Variants in TTC6 observed in about 807,000 individuals in gnomAD.
TTC6 encodes tetratricopeptide repeat domain 6.
Under a neutral mutation model 210.4 loss-of-function variants are expected in TTC6, and 172 were observed. That is an observed-to-expected ratio of 0.82 (90% CI 0.72 to 0.93). TTC6 has a LOEUF of 0.93. Ranked by LOEUF, TTC6 falls within the 40% of genes least tolerant of loss-of-function variation. TTC6 has a pLI of 0.00. For missense variants in TTC6, 2,414 were observed against 2,318.1 expected (o/e 1.04, Z -0.85); for synonymous variants, 804 against 819.6 (o/e 0.98, Z 0.32).
intron 3 of TTC6, among the ~76,000 whole-genome samples, chr14:37,692,670 C>A (rs757410065): frequency 4.6e-5 from 7 of 151,664 alleles, no homozygotes; most frequent in Non-Finnish European, 7.4e-5. Flanking sequence ...ACAAGCCTGG[C>A]CAACACAGAG....
chr14:37,755,017 C>T (rs981610377), intron 14 of TTC6, among the ~76,000 whole-genome samples: 2 of 152,188 alleles, frequency 1.3e-5, no homozygotes, highest in East Asian at 1.9e-4. Context: ...AATTTACACT[C>T]CCACCAACAG....
intron 1 of TTC6, among the ~76,000 whole-genome samples, chr14:37,674,944 G>A (rs2095765792): frequency 1.3e-5 from 2 of 151,964 alleles, no homozygotes; most frequent in African/African-American, 4.8e-5. Flanking sequence ...GGGCAATGTA[G>A]TAACTATCAT....
intron 13 of TTC6, among the ~76,000 whole-genome samples, chr14:37,751,948 C>T (rs1032461818): frequency 2.6e-5 from 4 of 151,628 alleles, no homozygotes; most frequent in Non-Finnish European, 4.4e-5. Flanking sequence ...CTCAGCCTCC[C>T]AAGCAGCTGG....
intron 1 of TTC6, among the ~76,000 whole-genome samples, chr14:37,662,102 A>T (rs993152035): frequency 1.3e-5 from 2 of 152,120 alleles, no homozygotes. Flanking sequence ...CTGCAAACAA[A>T]GACAATTTGA....
chr14:37,834,735 C>A (rs550868848), intron 29 of TTC6, among the ~76,000 whole-genome samples: 1 of 152,200 alleles, frequency 6.6e-6, no homozygotes, highest in African/African-American at 2.4e-5. Context: ...AGGTGTATTT[C>A]TTTGCTTTTT....
At chr14:37,626,454 T>A (rs2095660431) in intron 1 of TTC6, among the ~76,000 whole-genome samples, 1 of 152,208 alleles carries the variant, frequency 6.6e-6, no homozygotes, top group East Asian at 1.9e-4. Flanking sequence ...TACAAAAATG[T>A]TATGTTATAA....
At position 37,699,719 on chromosome 14, in the gene TTC6, G is replaced by C. The variant is rs75615655; in HGVS notation, c.1377-1613G>C. ...GGAACACACCTGAGCAACCCTGTGC[G>C]GGGGAGAAACTCAGTTTTGCATTGG... On this transcript the variant is annotated intron_variant, in intron 4 of 30. Coordinates refer to ENST00000553443, the Ensembl canonical transcript of TTC6. 4.9e-4 allele frequency among the ~76,000 whole-genome samples: 74 copies of C among 152,232 alleles called. No homozygotes were observed. The East Asian group carries it at 0.013, about 27-fold the overall frequency.
At chr14:37,622,402 G>C (rs866945378) in exon 1 of TTC6, 1 of 1,534,162 alleles carries the variant, frequency 6.5e-7, no homozygotes, top group East Asian at 2.5e-5. Flanking sequence ...GGCAAGACCC[G>C]GTCGTTTCGC....
rs193070169 is a variant in TTC6, at chr14:37,804,531, C to A, written c.4030-149C>A. On this transcript the variant is annotated intron_variant, in intron 20 of 30. Coordinates refer to ENST00000553443, the Ensembl canonical transcript of TTC6. ...CTCTTCTTGTAGTGTACTGACAAGA[C>A]CTGTAACTTCACCAGGTCTGTTTGT... is the stretch of plus-strand genomic sequence containing the variant. The A allele has an allele frequency of 2.6e-3, 2,776 of 1,053,096 alleles. 4 individuals are homozygous for A. Among genetic ancestry groups the A allele is most frequent in the Non-Finnish European group, 3.4e-3 (2,492 of 730,938 alleles). 65.2% of individuals were successfully genotyped at this position (1,053,096 alleles called of 1,614,324 possible). A position where few individuals can be genotyped will look rare whatever the true frequency, so the allele number is the denominator to read the frequency against.
chr14:37,790,162 A>G (rs939402041), intron 15 of TTC6, among the ~76,000 whole-genome samples: 2 of 152,124 alleles, frequency 1.3e-5, no homozygotes, highest in Admixed American at 6.6e-5. Flanking sequence ...TGCATAGTCA[A>G]GCCGTCCGCC....
intron 24 of TTC6, among the ~76,000 whole-genome samples, chr14:37,811,121 C>T (rs1221282490): frequency 4.6e-5 from 7 of 152,176 alleles, no homozygotes; most frequent in East Asian, 1.9e-4. Context: ...CATCCCTACC[C>T]CTTACCCTCG....
In TTC6 at chr14:37,749,847, G is replaced by C; in HGVS notation, c.2956+4G>C. The stretch of plus-strand genomic sequence containing the variant: ...AAATATAATAAAAATAATACAGGTG[G>C]GTTGTCTGTAGAGACAGTTATATTA... On this transcript the variant is annotated splice_donor_region_variant and intron_variant, in intron 12 of 30. Transcript: ENST00000553443. 1 of 1,366,572 alleles carries C rather than the reference G, an allele frequency of 7.3e-7. No homozygotes were observed. Among genetic ancestry groups the C allele is most frequent in the South Asian group, 1.9e-5 (1 of 53,086 alleles). The allele number at this position is 1,366,572 out of a possible 1,614,324, so 84.7% of individuals were successfully genotyped here.
chr14:37,721,847 C>CATATATATATATATATATATAT (rs35265224), intron 6 of TTC6, among the ~76,000 whole-genome samples: 64 of 117,254 alleles, frequency 5.5e-4, no homozygotes, highest in Non-Finnish European at 9.9e-4. Flanking sequence ...TGAGTTTCAC[C>CATATATATATATATATATATAT]ATATATATAT....
At chr14:37,819,531 C>T (rs2096150633) in intron 26 of TTC6, among the ~76,000 whole-genome samples, 2 of 152,072 alleles carry the variant, frequency 1.3e-5, no homozygotes, top group Non-Finnish European at 2.9e-5. Flanking sequence ...CTTGAATATC[C>T]TACTTGTTGC....
intron 3 of TTC6, among the ~76,000 whole-genome samples, chr14:37,685,011 C>G (rs1289351505): frequency 1.3e-5 from 2 of 152,158 alleles, no homozygotes; most frequent in East Asian, 3.9e-4. Flanking sequence ...GCCATTTCTA[C>G]TCTTAGAAGC....
chr14:37,678,221 A>G (rs1161019587), intron 1 of TTC6, among the ~76,000 whole-genome samples: 1 of 152,190 alleles, frequency 6.6e-6, no homozygotes. Flanking sequence ...GTTAATGTCC[A>G]CAGAAACCTT....
intron 1 of TTC6, among the ~76,000 whole-genome samples, chr14:37,675,948 T>C (rs1436157542): frequency 6.6e-6 from 1 of 152,048 alleles, no homozygotes. Flanking sequence ...GTCTATCTCC[T>C]GTGATTATAT....
At chr14:37,788,245 T>C (rs2096072326) in intron 15 of TTC6, among the ~76,000 whole-genome samples, 1 of 152,194 alleles carries the variant, frequency 6.6e-6, no homozygotes, top group East Asian at 1.9e-4. Flanking sequence ...ATTGTGAGCA[T>C]AGAGTCAGTG....
At chr14:37,767,045 C>T (rs1029867406) in intron 14 of TTC6, among the ~76,000 whole-genome samples, 16 of 151,994 alleles carry the variant, frequency 1.1e-4, no homozygotes, top group African/African-American at 2.2e-4. Flanking sequence ...TGAGAATATG[C>T]GGTGTTTGGT....
Sources: allele counts gnomAD v4.1 joint callset (sites outside exome capture counted in the v4.1 genomes callset), GRCh38; gene constraint gnomAD v4.1.1; transcripts MANE v1.5; gene names NCBI Gene and HGNC (gene_info 2026-07-23, HGNC 2026-07-21).